The following UQCC1 variants were observed in gnomAD, a reference collection of about 807,000 sequenced individuals.
UQCC1 encodes the protein ubiquinol-cytochrome c reductase complex assembly factor 1.
In UQCC1, 38 loss-of-function variants were observed where a neutral mutation model predicts 48.0. The ratio of observed to expected loss-of-function variants is 0.79; its 90% CI spans 0.61 to 1.04. The LOEUF (loss-of-function observed/expected upper bound fraction) is 1.04. UQCC1 is among the 50% of genes least tolerant of loss of function. The pLI is 0.00. For missense variants in UQCC1, 368 were observed against 381.8 expected (o/e 0.96, Z 0.30); for synonymous variants, 111 against 129.2 (o/e 0.86, Z 0.95).
At chr20:35,371,338 T>C (rs1156901559) in intron 5 of UQCC1, among the ~76,000 whole-genome samples, 2 of 101,136 alleles carry the variant, frequency 2.0e-5, no homozygotes, top group East Asian at 8.1e-4. Flanking sequence ...GATGAGGGTT[T>C]TTTTTGTTTT....
intron 4 of UQCC1, among the ~76,000 whole-genome samples, chr20:35,376,060 C>CA (rs1228483728): frequency 6.6e-6 from 1 of 151,734 alleles, no homozygotes; most frequent in Non-Finnish European, 1.5e-5. Context: ...CTAATCCCAG[C>CA]ACTTTGAGAG....
chr20:35,326,605 T>G (rs1359777364), intron 7 of UQCC1, among the ~76,000 whole-genome samples: 3 of 152,116 alleles, frequency 2.0e-5, no homozygotes, highest in African/African-American at 7.2e-5. Context: ...TGTAGGTCGG[T>G]ATCATTACTC....
chr20:35,395,033 G>C (rs979669402), intron 1 of UQCC1, among the ~76,000 whole-genome samples: 1 of 152,072 alleles, frequency 6.6e-6, no homozygotes, highest in Non-Finnish European at 1.5e-5. Context: ...TGGAAGCGAT[G>C]CAAAAGACAG....
chr20:35,385,994 C>T (rs2061938476), intron 2 of UQCC1, among the ~76,000 whole-genome samples: 1 of 151,858 alleles, frequency 6.6e-6, no homozygotes, highest in Non-Finnish European at 1.5e-5. Context: ...AAAGAACAAA[C>T]CTACACTGAC....
intron 7 of UQCC1, among the ~76,000 whole-genome samples, chr20:35,325,519 G>A (rs6060371): frequency 6.6e-6 from 1 of 151,880 alleles, no homozygotes; most frequent in African/African-American, 2.4e-5. Flanking sequence ...GACTATAAAC[G>A]GTCTTGGTAC....
chr20:35,374,297 G>C, intron 4 of UQCC1, 41 bp from the exon 5 acceptor site: 1 of 1,497,160 alleles, frequency 6.7e-7, no homozygotes, highest in African/African-American at 1.4e-5. Flanking sequence ...ACATGACCAA[G>C]TGGATGTTCT....
intron 1 of UQCC1, among the ~76,000 whole-genome samples, chr20:35,407,155 T>C (rs976827318): frequency 1.1e-4 from 16 of 152,170 alleles, no homozygotes; most frequent in African/African-American, 3.4e-4. Flanking sequence ...AGGCCAGGCA[T>C]GGTGGCTCAC....
intron 7 of UQCC1, among the ~76,000 whole-genome samples, chr20:35,323,400 T>C (rs1199269133): frequency 6.6e-6 from 1 of 152,202 alleles, no homozygotes; most frequent in African/African-American, 2.4e-5. Flanking sequence ...TCTGACCAAG[T>C]AGATGTAATA....
chr20:35,323,453 A>G (rs1411123392), intron 7 of UQCC1, among the ~76,000 whole-genome samples: 1 of 152,236 alleles, frequency 6.6e-6, no homozygotes, highest in Non-Finnish European at 1.5e-5. Flanking sequence ...TAAATCAGAA[A>G]TATGAAAAGG....
At chr20:35,327,424 C>T (rs2061207363) in intron 7 of UQCC1, among the ~76,000 whole-genome samples, 1 of 152,192 alleles carries the variant, frequency 6.6e-6, no homozygotes, top group Admixed American at 6.5e-5. Context: ...CATGAGGAAG[C>T]AAAGGCTCAG....
At chr20:35,411,889 C>T (rs995812402) in intron 1 of UQCC1, 51 bp downstream of exon 1, 8 of 1,613,458 alleles carry the variant, frequency 5.0e-6, no homozygotes, top group Non-Finnish European at 6.8e-6. Flanking sequence ...CCTTGTCGAA[C>T]TCCAACCCGG....
At chr20:35,381,374 A>G (rs2061865463) in intron 4 of UQCC1, among the ~76,000 whole-genome samples, 1 of 152,198 alleles carries the variant, frequency 6.6e-6, no homozygotes. Flanking sequence ...AGTCATCTAT[A>G]TGGCATACCA....
chr20:35,347,080 G>T (rs1433071995), intron 7 of UQCC1, 84 bp downstream of exon 7: 1 of 1,613,828 alleles, frequency 6.2e-7, no homozygotes, highest in African/African-American at 1.3e-5. Flanking sequence ...TCTAAAAGCA[G>T]GGCCATTTTA....
chr20:35,327,187 T>C (rs1264770706), intron 7 of UQCC1, among the ~76,000 whole-genome samples: 1 of 152,196 alleles, frequency 6.6e-6, no homozygotes, highest in African/African-American at 2.4e-5. Flanking sequence ...GGGGTCACCC[T>C]AATGAACTGA....
chr20:35,363,028 T>TAAAAAAA (rs60988214), intron 6 of UQCC1, among the ~76,000 whole-genome samples: 71 of 79,992 alleles, frequency 8.9e-4, no homozygotes, highest in Middle Eastern at 7.9e-3. Context: ...TCCTTAAAAC[T>TAAAAAAA]AAAAAAAAAA....
chr20:35,309,466 C>T (rs949795226), intron 8 of UQCC1, among the ~76,000 whole-genome samples: 3 of 151,768 alleles, frequency 2.0e-5, no homozygotes, highest in Non-Finnish European at 1.5e-5. Context: ...AATAAATCAA[C>T]GAACACAACT....
intron 6 of UQCC1, among the ~76,000 whole-genome samples, chr20:35,354,968 C>T (rs546026791): frequency 2.0e-5 from 3 of 152,244 alleles, no homozygotes; most frequent in East Asian, 3.9e-4. Flanking sequence ...ATATTAAACA[C>T]TGAAATAATG....
intron 7 of UQCC1, among the ~76,000 whole-genome samples, chr20:35,326,141 GT>G (rs1288321258): frequency 1.3e-5 from 2 of 151,992 alleles, no homozygotes; most frequent in Non-Finnish European, 2.9e-5. Flanking sequence ...ATGAGAGTCT[GT>G]AAGGAACTGA....
chr20:35,400,644 C>T (rs890827652), intron 1 of UQCC1, among the ~76,000 whole-genome samples: 24 of 151,914 alleles, frequency 1.6e-4, no homozygotes, highest in African/African-American at 1.5e-4. Flanking sequence ...TACAGGCGCC[C>T]GCCACCTCGC....
Sources: gnomAD v4.1 joint callset for allele counts (sites outside exome capture counted in the v4.1 genomes callset) on GRCh38, gnomAD v4.1.1 for gene constraint, MANE v1.5 for transcripts, NCBI Gene and HGNC (gene_info 2026-07-23, HGNC 2026-07-21) for gene names.